Variants in PTDSS1 observed in about 807,000 individuals in gnomAD.
The protein encoded by PTDSS1 is phosphatidylserine synthase 1, also known as PSS-1.
A neutral mutation model predicts 70.5 loss-of-function variants in PTDSS1; 45 were observed. The observed-to-expected ratio is 0.64, with a 90% CI of 0.50 to 0.82. PTDSS1 has a LOEUF of 0.82. Among genes scored for constraint, PTDSS1 ranks in the 40% least tolerant of loss-of-function variants. PTDSS1 has a pLI of 0.00. For synonymous variants in PTDSS1, 188 were observed against 203.8 expected, an observed-to-expected ratio of 0.92 and a Z score of 0.66; for missense variants, 417 against 586.1, an observed-to-expected ratio of 0.71 and a Z score of 2.98.
chr8:96,324,824 G>T (rs572476545), intron 10 of PTDSS1, among the ~76,000 whole-genome samples: 1 of 152,354 alleles, frequency 6.6e-6, no homozygotes, highest in South Asian at 2.1e-4. Flanking sequence ...AAGTTTTAGA[G>T]AGACTTTCTG....
At chr8:96,286,719 C>T (rs577992971) in intron 3 of PTDSS1, among the ~76,000 whole-genome samples, 1 of 152,270 alleles carries the variant, frequency 6.6e-6, no homozygotes, top group Admixed American at 6.5e-5. Flanking sequence ...CTGTTCTCTA[C>T]CTGAATGTTG....
At chr8:96,328,731 C>T (rs190609083) in intron 10 of PTDSS1, among the ~76,000 whole-genome samples, 79 of 152,234 alleles carry the variant, frequency 5.2e-4, no homozygotes, top group Non-Finnish European at 5.7e-4. Flanking sequence ...CAGGAAATGT[C>T]GCTGATAAAG....
At chr8:96,303,073 T>A (rs146635213) in intron 6 of PTDSS1, among the ~76,000 whole-genome samples, 5 of 152,246 alleles carry the variant, frequency 3.3e-5, no homozygotes, top group African/African-American at 1.2e-4. Flanking sequence ...ACAGATTAAG[T>A]TGAATTAACC....
chr8:96,307,205 A>G (rs1051222783), intron 8 of PTDSS1, among the ~76,000 whole-genome samples: 7 of 152,298 alleles, frequency 4.6e-5, no homozygotes, highest in South Asian at 2.1e-4. Flanking sequence ...TTTGAGTTTT[A>G]TAACTAATAC....
At chr8:96,295,961 T>C (rs928240780) in intron 5 of PTDSS1, among the ~76,000 whole-genome samples, 2 of 151,934 alleles carry the variant, frequency 1.3e-5, no homozygotes, top group Admixed American at 6.6e-5. Context: ...AAGTCCAAGA[T>C]CAAAGCGTCG....
intron 6 of PTDSS1, among the ~76,000 whole-genome samples, chr8:96,303,628 G>A (rs78870907): frequency 1.3e-5 from 2 of 152,096 alleles, no homozygotes; most frequent in East Asian, 1.9e-4. Flanking sequence ...TTCTTTCATG[G>A]GTGTGTGAAA....
At chr8:96,326,352 A>G (rs1283407858) in intron 10 of PTDSS1, among the ~76,000 whole-genome samples, 1 of 150,642 alleles carries the variant, frequency 6.6e-6, no homozygotes, top group Non-Finnish European at 1.5e-5. Context: ...TTCTAACCCC[A>G]GTGCAGTGGA....
At chr8:96,311,104 A>G (rs1313592426) in intron 9 of PTDSS1, among the ~76,000 whole-genome samples, 3 of 152,204 alleles carry the variant, frequency 2.0e-5, no homozygotes, top group African/African-American at 7.2e-5. Flanking sequence ...AACTGATGAG[A>G]AAGAGACCTT....
intron 2 of PTDSS1, among the ~76,000 whole-genome samples, chr8:96,276,279 A>G (rs1008873274): frequency 6.6e-6 from 1 of 152,224 alleles, no homozygotes; most frequent in Non-Finnish European, 1.5e-5. Flanking sequence ...TACCAAAGGC[A>G]CTGAAGGTTA....
At chr8:96,314,703 T>C (rs1425698287) in intron 9 of PTDSS1, among the ~76,000 whole-genome samples, 1 of 152,070 alleles carries the variant, frequency 6.6e-6, no homozygotes. Flanking sequence ...TTCATGCCGT[T>C]CTCCTGCCTC....
intron 12 of PTDSS1, 56 bp downstream of exon 12, chr8:96,331,151 T>C: frequency 6.7e-7 from 1 of 1,481,540 alleles, no homozygotes; most frequent in African/African-American, 1.4e-5. Context: ...GATGTGGAAT[T>C]ATTACCTATT....
chr8:96,304,728 G>A (rs537804931), intron 7 of PTDSS1, among the ~76,000 whole-genome samples: 8 of 152,170 alleles, frequency 5.3e-5, no homozygotes, highest in African/African-American at 9.7e-5. Context: ...GACAGCCCAG[G>A]GTCTTGGCAA....
At chr8:96,301,089 G>A (rs1252877920) in intron 6 of PTDSS1, among the ~76,000 whole-genome samples, 4 of 151,980 alleles carry the variant, frequency 2.6e-5, no homozygotes, top group Non-Finnish European at 2.9e-5. Flanking sequence ...TTAACACTTT[G>A]CCATAAATGT....
intron 9 of PTDSS1, among the ~76,000 whole-genome samples, chr8:96,310,354 G>C (rs1024793693): frequency 6.6e-6 from 1 of 151,422 alleles, no homozygotes; most frequent in Admixed American, 6.6e-5. Context: ...CAGTAGAGAC[G>C]GGGTTTCACC....
chr8:96,273,979 A>G (rs1390988553), intron 2 of PTDSS1, among the ~76,000 whole-genome samples: 2 of 152,178 alleles, frequency 1.3e-5, no homozygotes, highest in Non-Finnish European at 2.9e-5. Flanking sequence ...TTTAAAAAGT[A>G]AGTTTGGTGT....
At chr8:96,316,310 G>C (rs1295212285) in intron 9 of PTDSS1, among the ~76,000 whole-genome samples, 1 of 152,144 alleles carries the variant, frequency 6.6e-6, no homozygotes, top group Non-Finnish European at 1.5e-5. Flanking sequence ...CAAAGACATG[G>C]AATCCACCTA....
chr8:96,299,153 T>G (rs888368232), intron 5 of PTDSS1, among the ~76,000 whole-genome samples: 1 of 152,204 alleles, frequency 6.6e-6, no homozygotes, highest in Non-Finnish European at 1.5e-5. Context: ...AGATTGTCAT[T>G]ATTGTGAATC....
chr8:96,269,326 C>G (rs886363611), intron 1 of PTDSS1, among the ~76,000 whole-genome samples: 1 of 152,158 alleles, frequency 6.6e-6, no homozygotes, highest in Non-Finnish European at 1.5e-5. Context: ...CTGCCTTCCC[C>G]CACAGAACTG....
intron 4 of PTDSS1, among the ~76,000 whole-genome samples, chr8:96,293,114 G>C (rs1810930235): frequency 6.6e-6 from 1 of 152,178 alleles, no homozygotes; most frequent in South Asian, 2.1e-4. Context: ...CACGTTCCGT[G>C]ATCTGATTAT....
Sources: allele counts gnomAD v4.1 joint callset (sites outside exome capture counted in the v4.1 genomes callset), GRCh38; gene constraint gnomAD v4.1.1; transcripts MANE v1.5; gene names NCBI Gene and HGNC (gene_info 2026-07-23, HGNC 2026-07-21).